The following SUN3 variants were observed in gnomAD, a reference collection of about 807,000 sequenced individuals.
SUN3 encodes SUN domain-containing protein 3.
In SUN3, 36 loss-of-function variants were observed where a neutral mutation model predicts 48.2. The observed-to-expected ratio is 0.75, with a 90% CI of 0.57 to 0.99. The LOEUF is 0.99. Among genes scored for constraint, SUN3 ranks in the 50% least tolerant of loss-of-function variants. The pLI is 0.00. For missense variants in SUN3, 419 were observed against 433.1 expected, an observed-to-expected ratio of 0.97 and a Z score of 0.29; for synonymous variants, 148 against 147.9, an observed-to-expected ratio of 1.00 and a Z score of 0.00.
Position 48,001,485 on chromosome 7 carries a change from C to T in SUN3, c.577+4484G>A, listed in dbSNP as rs528814781. Among the ~76,000 whole-genome samples the T allele has an allele frequency of 4.4e-4, 65 of 147,976 alleles. No individual in the cohort carries two copies. In the Middle Eastern group the frequency reaches 0.015, roughly 34 times the overall value. On this transcript the variant is annotated intron_variant, in intron 6 of 9. Coordinates refer to ENST00000297325, the MANE Select transcript of SUN3 (RefSeq NM_001030019.2). ...ATGACATTTTCTTTATCCAGTCTAT[C>T]ATTGATCAGCATTTAGGTTGGTTCC...
intron 6 of SUN3, among the ~76,000 whole-genome samples, chr7:47,999,626 C>T (rs988906853): frequency 1.3e-5 from 2 of 152,230 alleles, no homozygotes; most frequent in Non-Finnish European, 2.9e-5. Context: ...TCCGCCTCGC[C>T]TTGCAGGTTC....
intron 2 of SUN3, among the ~76,000 whole-genome samples, chr7:48,019,535 A>G (rs1475066178): frequency 6.6e-6 from 1 of 152,166 alleles, no homozygotes. Context: ...AATGAAACTG[A>G]CAAACCTTTA....
intron 6 of SUN3, among the ~76,000 whole-genome samples, chr7:48,000,583 A>C (rs1789334971): frequency 6.6e-6 from 1 of 152,200 alleles, no homozygotes; most frequent in African/African-American, 2.4e-5. Context: ...TTCTCCATCT[A>C]AATGTCTTCA....
chr7:48,003,892 CTTTA>C (rs1398939364), intron 6 of SUN3, among the ~76,000 whole-genome samples: 2 of 152,076 alleles, frequency 1.3e-5, no homozygotes, highest in Admixed American at 6.5e-5. Flanking sequence ...TTTGGATGCC[CTTTA>C]TTTATTTCTC....
upstream of SUN3, among the ~76,000 whole-genome samples, chr7:48,031,269 G>C (rs1288827299): frequency 3.9e-5 from 6 of 152,200 alleles, no homozygotes; most frequent in East Asian, 1.2e-3. Context: ...TTGCCAACAG[G>C]CATGTGAAAA....
At chr7:48,011,955 G>A (rs1789695115) in intron 3 of SUN3, among the ~76,000 whole-genome samples, 1 of 152,230 alleles carries the variant, frequency 6.6e-6, no homozygotes, top group South Asian at 2.1e-4. Context: ...ATGGGTGGGA[G>A]AGGGGGCAGG....
At chr7:48,014,439 T>G (rs1789757371) in intron 3 of SUN3, among the ~76,000 whole-genome samples, 1 of 152,138 alleles carries the variant, frequency 6.6e-6, no homozygotes, top group East Asian at 1.9e-4. Context: ...ATCATTACAT[T>G]TTAGTTAAAA....
chr7:48,026,335 A>G (rs1487447480), intron 1 of SUN3, among the ~76,000 whole-genome samples: 1 of 152,154 alleles, frequency 6.6e-6, no homozygotes, highest in African/African-American at 2.4e-5. Context: ...TTTTATGGAA[A>G]TTTTGTACTA....
At chr7:48,002,229 G>T (rs542172134) in intron 6 of SUN3, among the ~76,000 whole-genome samples, 1 of 86,236 alleles carries the variant, frequency 1.2e-5, no homozygotes, top group East Asian at 3.3e-4. Context: ...GCGCGATCTC[G>T]GCTCACTGCA....
At chr7:48,016,016 G>C (rs1490953973) in intron 3 of SUN3, among the ~76,000 whole-genome samples, 1 of 152,102 alleles carries the variant, frequency 6.6e-6, no homozygotes. Context: ...CTGGCTCCAA[G>C]AGTCTGAACC....
intron 9 of SUN3, among the ~76,000 whole-genome samples, chr7:47,988,425 C>T (rs2128768568): frequency 6.6e-6 from 1 of 152,204 alleles, no homozygotes; most frequent in East Asian, 1.9e-4. Context: ...TGCCTCTGTC[C>T]ACTTCATATT....
chr7:48,007,467 A>T (rs1183210382), intron 4 of SUN3, 140 bp from the exon 5 acceptor site: 1 of 735,208 alleles, frequency 1.4e-6, no homozygotes, highest in Admixed American at 3.0e-5. Context: ...AGAGCAGAGC[A>T]TGCCCATTTC....
At chr7:48,018,889 A>G (rs1789890064) in intron 2 of SUN3, among the ~76,000 whole-genome samples, 1 of 152,200 alleles carries the variant, frequency 6.6e-6, no homozygotes, top group African/African-American at 2.4e-5. Flanking sequence ...CAGCTGTTCT[A>G]CATATGTTCA....
At chr7:48,034,290 A>G in the SUN3 span, among the ~76,000 whole-genome samples, 1 of 152,188 alleles carries the variant, frequency 6.6e-6, no homozygotes, top group African/African-American at 2.4e-5. Context: ...CCACAGAATT[A>G]GAGTTAATTC....
chr7:48,017,307 T>G lies in SUN3; in HGVS notation c.243A>C (p.Leu81Phe), dbSNP rs774338145. 1.9e-6 allele frequency: 3 copies of G among 1,610,242 alleles called. No homozygotes were observed. Among genetic ancestry groups the G allele is most frequent in the Non-Finnish European group, 2.5e-6 (3 of 1,177,758 alleles). The change falls in exon 3 of 10, where the codon TTA (leucine) becomes TTC (phenylalanine). Residue 81 changes from leucine (L) to phenylalanine (F), a missense_variant. Coordinates refer to ENST00000297325, the MANE Select transcript of SUN3 (RefSeq NM_001030019.2). ...ETDVPQKSRQ[L>F]YAIIAEYGSR... ...AACCATATTCTGCAATTATGGCATA[T>G]AATTGTCTGGATTTCTGAGGAACAT... is the stretch of plus-strand genomic sequence containing the variant.
intron 6 of SUN3, among the ~76,000 whole-genome samples, 165 bp from the exon 7 acceptor site, chr7:47,996,311 C>T (rs530801624): frequency 1.4e-4 from 21 of 152,202 alleles, no homozygotes; most frequent in Admixed American, 4.6e-4. Flanking sequence ...GTTTTCACTA[C>T]CACTGAAATT....
Position 48,025,056 on chromosome 7 carries a change from A to G in SUN3, c.184+821T>C, listed in dbSNP as rs112492020. On this transcript the variant is annotated intron_variant, in intron 2 of 9. Transcript: ENST00000297325. ...CTCCCCAGAAATCTCATTCCTATGTATATACTTGAAAGAATTGAGAACAGG... is the reference window on the plus strand; with the variant it reads ...CTCCCCAGAAATCTCATTCCTATGTGTATACTTGAAAGAATTGAGAACAGG... 3.0e-3 allele frequency among the ~76,000 whole-genome samples: 454 copies of G among 152,314 alleles called. 7 individuals are homozygous for G. The highest frequency in any genetic ancestry group is 0.01 in the African/African-American group (424 of 41,558).
the SUN3 span, among the ~76,000 whole-genome samples, chr7:48,035,892 G>GC: frequency 6.6e-6 from 1 of 152,002 alleles, no homozygotes; most frequent in East Asian, 1.9e-4. The surrounding 1 kb of genome is among the most constrained non-coding windows in gnomAD (Gnocchi z 4.0). Context: ...GGCGTGACGT[G>GC]CCCCCTCTGT....
At chr7:48,024,361 T>C (rs958265898) in intron 2 of SUN3, among the ~76,000 whole-genome samples, 2 of 152,144 alleles carry the variant, frequency 1.3e-5, no homozygotes, top group Non-Finnish European at 2.9e-5. Flanking sequence ...CAAAAGACTT[T>C]AATGGACATG....
Sources: gnomAD v4.1 joint callset for allele counts (sites outside exome capture counted in the v4.1 genomes callset) on GRCh38, gnomAD v4.1.1 for gene constraint, Gnocchi (gnomAD v3.1) non-coding constraint, MANE v1.5 for transcripts, NCBI Gene and HGNC (gene_info 2026-07-23, HGNC 2026-07-21) for gene names.